Variants in DTNBP1 observed in about 807,000 individuals in gnomAD.
DTNBP1 encodes the protein dystrobrevin binding protein 1, also known as dysbindin.
Under a neutral mutation model 42.8 loss-of-function variants are expected in DTNBP1, and 35 were observed. That is an observed-to-expected ratio of 0.82 (90% CI 0.63 to 1.09). DTNBP1 has a LOEUF of 1.09. Ranked by LOEUF, DTNBP1 falls within the 50% of genes least tolerant of loss-of-function variation. DTNBP1 has a pLI of 0.00. For missense variants in DTNBP1, 457 were observed against 424.2 expected, an observed-to-expected ratio of 1.08 and a Z score of -0.68; for synonymous variants, 171 against 162.2, an observed-to-expected ratio of 1.05 and a Z score of -0.41.
intron 3 of DTNBP1, among the ~76,000 whole-genome samples, chr6:15,643,102 A>T (rs960867697): frequency 6.6e-6 from 1 of 152,254 alleles, no homozygotes; most frequent in African/African-American, 2.4e-5. Flanking sequence ...CAAGATAGCT[A>T]TATTACGAGA....
rs73724453 is a variant in DTNBP1 at position 15,639,771 on chromosome 6, A to T, written c.162-1967T>A. ...TAGCACAGAACCTAACAAACAAGAGACACATTAAATGTCTGTTGAGTGAGG... is the reference window on the plus strand; with the variant it reads ...TAGCACAGAACCTAACAAACAAGAGTCACATTAAATGTCTGTTGAGTGAGG... On this transcript the variant is annotated intron_variant, in intron 3 of 9. Transcript: ENST00000344537. 5.6e-3 allele frequency among the ~76,000 whole-genome samples: 851 copies of T among 152,352 alleles called. 11 individuals are homozygous for T. Among genetic ancestry groups the T allele is most frequent in the African/African-American group, 0.02 (816 of 41,586 alleles).
At chr6:15,567,538 T>C (rs1775148811) in intron 7 of DTNBP1, among the ~76,000 whole-genome samples, 1 of 152,158 alleles carries the variant, frequency 6.6e-6, no homozygotes. Context: ...AGATACTCCT[T>C]TAGATGATAA....
intron 6 of DTNBP1, among the ~76,000 whole-genome samples, 171 bp from the exon 7 acceptor site, chr6:15,593,252 A>G (rs551358963): frequency 2.0e-5 from 3 of 152,242 alleles, no homozygotes; most frequent in Non-Finnish European, 4.4e-5. Flanking sequence ...ATGAGCCTAA[A>G]CCAACTATTT....
At chr6:15,601,634 G>A (rs1398453150) in intron 6 of DTNBP1, among the ~76,000 whole-genome samples, 3 of 151,710 alleles carry the variant, frequency 2.0e-5, no homozygotes, top group Non-Finnish European at 4.4e-5. Context: ...ACCTGAGGTC[G>A]GGGGTTCAAG....
chr6:15,524,037 T>C, intron 9 of DTNBP1: 1 of 1,292,352 alleles, frequency 7.7e-7, no homozygotes, highest in South Asian at 1.2e-5. Flanking sequence ...AAACAAAATT[T>C]TGTGAAGGGA....
intron 2 of DTNBP1, 42 bp downstream of exon 2, chr6:15,652,045 A>G: frequency 1.3e-6 from 2 of 1,580,732 alleles, no homozygotes; most frequent in Non-Finnish European, 1.7e-6. Context: ...AGTTGTATGA[A>G]ATTTAAGTCA....
At position 15,524,664 on chromosome 6, in the gene DTNBP1, T is replaced by TA. The variant is rs1772236818; in HGVS notation, c.672_673insT (p.Ile225TyrfsTer49). The TA allele has an allele frequency of 6.2e-7, 1 of 1,613,118 alleles. No homozygotes were observed. Among genetic ancestry groups the TA allele is most frequent in the Non-Finnish European group, 8.5e-7 (1 of 1,180,014 alleles). ...ACTTCCATGGATGACATGCTGCCTA[T>TA]GGGCTCTGCGGATAGATCAACACGA... On this transcript the variant is annotated frameshift_variant, in exon 9 of 10. Coordinates refer to ENST00000344537, the MANE Select transcript of DTNBP1 (RefSeq NM_032122.5). LOFTEE classifies it high-confidence loss of function.
At chr6:15,570,376 T>C (rs1361104927) in intron 7 of DTNBP1, among the ~76,000 whole-genome samples, 3 of 152,246 alleles carry the variant, frequency 2.0e-5, no homozygotes, top group Non-Finnish European at 4.4e-5. Context: ...CACAGCCAAG[T>C]GGCCGTTTCC....
chr6:15,539,790 G>A (rs760852476), intron 7 of DTNBP1, among the ~76,000 whole-genome samples: 7 of 151,890 alleles, frequency 4.6e-5, no homozygotes, highest in Non-Finnish European at 8.8e-5. Context: ...CCTGTCCCTC[G>A]CTCCTGCTTC....
intron 8 of DTNBP1, among the ~76,000 whole-genome samples, chr6:15,530,149 C>A (rs1046580646): frequency 6.6e-5 from 10 of 152,244 alleles, no homozygotes; most frequent in Admixed American, 1.3e-4. Context: ...ACCATGTTCG[C>A]TGTAGAGTTT....
chr6:15,529,171 G>A (rs1772635936), intron 8 of DTNBP1, among the ~76,000 whole-genome samples: 1 of 152,160 alleles, frequency 6.6e-6, no homozygotes, highest in South Asian at 2.1e-4. Context: ...TGTCGTCTCA[G>A]CTACTCGGGA....
intron 6 of DTNBP1, among the ~76,000 whole-genome samples, chr6:15,612,063 C>T (rs1470553238): frequency 1.3e-5 from 2 of 152,144 alleles, no homozygotes; most frequent in East Asian, 3.9e-4. Flanking sequence ...AGAAATCTTT[C>T]CAGGAAGAAA....
rs572889879 is a variant in DTNBP1 at position 15,642,583 on chromosome 6, A to G, written c.162-4779T>C. Among the ~76,000 whole-genome samples the G allele has an allele frequency of 2.0e-5, 3 of 152,284 alleles. No homozygotes were observed. In the South Asian group the frequency reaches 6.2e-4, roughly 32 times the overall value. ...GGCTTAGTGCTAGGCAGTCCACAAG[A>G]TGAGCCCCCTGGGATCTCCACACCC... On this transcript the variant is annotated intron_variant, in intron 3 of 9. Coordinates refer to ENST00000344537, the MANE Select transcript of DTNBP1 (RefSeq NM_032122.5).
In DTNBP1 at chr6:15,624,022, G is replaced by A. The variant is rs118177530; in HGVS notation, c.355+3321C>T. On this transcript the variant is annotated intron_variant, in intron 5 of 9. Transcript: ENST00000344537. Reference sequence around the variant, plus strand: ...AGGCTAGAGAGGCCCCCATTAGAACGTCAGCATCTTGATGGCAGGTGCCCA... The same window carrying A: ...AGGCTAGAGAGGCCCCCATTAGAACATCAGCATCTTGATGGCAGGTGCCCA... 6.4e-4 allele frequency among the ~76,000 whole-genome samples: 98 copies of A among 152,334 alleles called. 1 individual carries two copies. The East Asian group carries it at 7.5e-3, about 12-fold the overall frequency.
chr6:15,662,785 T>G, intron 1 of DTNBP1, 29 bp downstream of exon 1: 1 of 1,611,306 alleles, frequency 6.2e-7, no homozygotes, highest in East Asian at 2.2e-5. Context: ...CCCCCTCAGG[T>G]CCCTTTTCGT....
intron 7 of DTNBP1, among the ~76,000 whole-genome samples, chr6:15,543,964 G>C (rs930202789): frequency 2.0e-5 from 3 of 152,116 alleles, no homozygotes; most frequent in Non-Finnish European, 4.4e-5. Flanking sequence ...GTGTGCTCTC[G>C]CCATTGTTCC....
At chr6:15,563,946 T>C (rs1009124889) in intron 7 of DTNBP1, among the ~76,000 whole-genome samples, 2 of 152,004 alleles carry the variant, frequency 1.3e-5, no homozygotes, top group East Asian at 1.9e-4. Flanking sequence ...TGGTGGCACA[T>C]GCCTGTAATC....
intron 7 of DTNBP1, among the ~76,000 whole-genome samples, chr6:15,583,106 AAGTAGGTAGGGTTACAGG>A (rs1775908666): frequency 6.6e-6 from 1 of 152,044 alleles, no homozygotes; most frequent in South Asian, 2.1e-4. Context: ...TCAGCCTCTC[AAGTAGGTAGGGTTACAGG>A]TGCATGCCAC....
intron 7 of DTNBP1, among the ~76,000 whole-genome samples, chr6:15,581,937 A>G (rs769065415): frequency 6.6e-6 from 1 of 152,076 alleles, no homozygotes; most frequent in East Asian, 1.9e-4. Flanking sequence ...CTGAGCTTCA[A>G]CCCACATCTC....
Sources: allele counts gnomAD v4.1 joint callset (sites outside exome capture counted in the v4.1 genomes callset), GRCh38; gene constraint gnomAD v4.1.1; transcripts MANE v1.5; gene names NCBI Gene and HGNC (gene_info 2026-07-23, HGNC 2026-07-21).